The following CCDC88C variants were observed in gnomAD, a reference collection of about 807,000 sequenced individuals.
The protein encoded by CCDC88C is coiled-coil and HOOK domain protein 88C.
A neutral mutation model predicts 198.8 loss-of-function variants in CCDC88C; 131 were observed. The observed-to-expected ratio is 0.66, with a 90% confidence interval of 0.57 to 0.76. CCDC88C has a LOEUF of 0.76. CCDC88C is among the 30% of genes least tolerant of loss of function. CCDC88C has a pLI of 0.00. For synonymous variants in CCDC88C, 1,166 were observed against 1,114.7 expected (o/e 1.05, Z -0.92); for missense variants, 2,553 against 2,631.6 (o/e 0.97, Z 0.65).
chr14:91,290,115 T>C (rs1397130404), intron 24 of CCDC88C, among the ~76,000 whole-genome samples: 1 of 152,010 alleles, frequency 6.6e-6, no homozygotes, highest in African/African-American at 2.4e-5. Flanking sequence ...CTACTAAAAA[T>C]ACAAAAATTA....
chr14:91,372,534 G>GT (rs1894858981), intron 3 of CCDC88C, among the ~76,000 whole-genome samples: 1 of 109,718 alleles, frequency 9.1e-6, no homozygotes. Flanking sequence ...GGTGCGGGGG[G>GT]GGGCGGGCGG....
Position 91,345,486 on chromosome 14 carries a change from C to T in CCDC88C, c.341-1829G>A, listed in dbSNP as rs371711758. ...GATTACAGACGTGAGCAGCCGTGCC[C>T]GGCCTTAAAATATTTCAATCTAAAC... is the stretch of plus-strand genomic sequence containing the variant. On this transcript the variant is annotated intron_variant, in intron 4 of 29. Coordinates refer to ENST00000389857, the MANE Select transcript of CCDC88C (RefSeq NM_001080414.4). Among the ~76,000 whole-genome samples, 9 of 152,112 alleles carry T rather than the reference C, an allele frequency of 5.9e-5. No homozygotes were observed. In the East Asian group the frequency reaches 7.7e-4, roughly 13 times the overall value.
In CCDC88C at chr14:91,321,135, G is replaced by T; in HGVS notation, c.1512C>A (p.His504Gln). The change falls in exon 13 of 30, where the codon CAC (histidine) becomes CAA (glutamine). Residue 504 changes from histidine (H) to glutamine (Q), a missense_variant. By Grantham distance (24) the His-to-Gln change is conservative. This residue lies in a region of CCDC88C where 1,260 missense variants were observed against 1,412.0 expected (regional missense o/e 0.89). Coordinates refer to ENST00000389857, the MANE Select transcript of CCDC88C (RefSeq NM_001080414.4). ...LKCGELEKEN[H>Q]QLSKKIEKLQ... ...GCCGAGGTACCTTCTTGCTGAGCTG[G>T]TGGTTCTCCTTCTCCAGCTCCCCGC... is the stretch of plus-strand genomic sequence containing the variant. 1.2e-6 allele frequency: 2 copies of T among 1,610,904 alleles called. No homozygotes were observed.
rs183326946 is a variant in CCDC88C, at chr14:91,288,494, T to C, written c.4441+611A>G. On this transcript the variant is annotated intron_variant, in intron 25 of 29. Coordinates refer to ENST00000389857, the MANE Select transcript of CCDC88C (RefSeq NM_001080414.4). This position sits in a 1 kb window ranked among gnomAD's most constrained non-coding sequence, Gnocchi z 4.2. ...AGCAGCTTTCTACAAATCTGGCACA[T>C]ACGAGGCAGCCCAAAATAAGCTATG... Among the ~76,000 whole-genome samples the C allele has an allele frequency of 2.5e-3, 387 of 152,368 alleles. 2 individuals are homozygous for C. Among genetic ancestry groups the C allele is most frequent in the African/African-American group, 8.9e-3 (372 of 41,592 alleles).
chr14:91,410,467 A>G (rs1295912706), intron 2 of CCDC88C, among the ~76,000 whole-genome samples: 2 of 152,218 alleles, frequency 1.3e-5, no homozygotes, highest in Non-Finnish European at 2.9e-5. Context: ...CTACAAATCG[A>G]AAACGTTTCA....
chr14:91,349,366 GC>G (rs1450923504), intron 4 of CCDC88C, among the ~76,000 whole-genome samples: 1 of 152,250 alleles, frequency 6.6e-6, no homozygotes, highest in Non-Finnish European at 1.5e-5. Flanking sequence ...GGCTTTCCAG[GC>G]CCAGGGAACA....
rs1418628626 is a variant in CCDC88C, at chr14:91,271,669, T to C, written c.*956A>G. 1.3e-5 allele frequency: 2 copies of C among 152,176 alleles called. No homozygotes were observed. The highest frequency in any genetic ancestry group is 1.9e-4 in the East Asian group (1 of 5,200). The allele number at this position is 152,176 out of a possible 1,614,324, so 9.4% of individuals were successfully genotyped here. A position where few individuals can be genotyped will look rare whatever the true frequency, so the allele number is the denominator to read the frequency against. On this transcript the variant is annotated 3_prime_UTR_variant, in exon 30 of 30. Transcript: ENST00000389857. ...CATATTTCACATGAGTGTGTACATA[T>C]ACATGTCATATATTAAAAAAAATTG...
At position 91,313,147 on chromosome 14, in the gene CCDC88C, T is replaced by C; in HGVS notation, c.2669A>G (p.Glu890Gly). 1 of 1,610,834 alleles carries C rather than the reference T, an allele frequency of 6.2e-7. No homozygotes were observed. The highest frequency in any genetic ancestry group is 8.5e-7 in the Non-Finnish European group (1 of 1,177,790). The part of the protein sequence containing the change: ...RDAAGKLKEL[E>G]KDNRDLTKQV... ...CTTGGTGAGGTCCCGGTTGTCCTTCTCCAGCTCCTTCAGCTTGCCGGCTGC... is the reference window on the plus strand; with the variant it reads ...CTTGGTGAGGTCCCGGTTGTCCTTCCCCAGCTCCTTCAGCTTGCCGGCTGC... The change falls in exon 15 of 30, where the codon GAG (glutamate) becomes GGG (glycine). Residue 890 changes from glutamate (E) to glycine (G), a missense_variant. Physicochemically the swap from Glu to Gly is moderately conservative, Grantham distance 98 (BLOSUM62 -2). Around this residue, in one of 2 missense-constraint regions of CCDC88C, gnomAD observed 1,260 missense variants for 1,412.0 expected, o/e 0.89. Coordinates refer to ENST00000389857, the MANE Select transcript of CCDC88C (RefSeq NM_001080414.4). This position sits in a 1 kb window ranked among gnomAD's most constrained non-coding sequence, Gnocchi z 5.2.
intron 23 of CCDC88C, among the ~76,000 whole-genome samples, chr14:91,293,556 TCG>T (rs1567055881): frequency 2.3e-4 from 15 of 64,060 alleles, no homozygotes; most frequent in South Asian, 6.6e-4. Context: ...TCCTGTCCCC[TCG>T]CCTGCCACGG....
intron 4 of CCDC88C, among the ~76,000 whole-genome samples, chr14:91,359,157 A>ATTTT (rs1596109845): frequency 8.3e-6 from 1 of 119,796 alleles, no homozygotes; most frequent in Non-Finnish European, 1.8e-5. Flanking sequence ...GGGAGGCTTC[A>ATTTT]TTCTTTTTTT....
intron 4 of CCDC88C, among the ~76,000 whole-genome samples, chr14:91,351,810 C>G (rs1285313252): frequency 6.6e-6 from 1 of 152,116 alleles, no homozygotes; most frequent in African/African-American, 2.4e-5. Flanking sequence ...CCCACAGATA[C>G]CCCAGCACCA....
chr14:91,339,533 AG>A lies in CCDC88C; in HGVS notation c.625-72del. On this transcript the variant is annotated intron_variant, in intron 7 of 29. Transcript: ENST00000389857. This position sits in a 1 kb window ranked among gnomAD's most constrained non-coding sequence, Gnocchi z 5.8. Reference sequence around the variant, plus strand: ...ACCAGCACAACGCCTGAGCTTGAACAGGGTGAAGAAACCGCCAAAAGACAGA... The same window carrying A: ...ACCAGCACAACGCCTGAGCTTGAACAGGTGAAGAAACCGCCAAAAGACAGA... The A allele has an allele frequency of 7.1e-7, 1 of 1,415,570 alleles. No homozygotes were observed. The highest frequency in any genetic ancestry group is 9.6e-7 in the Non-Finnish European group (1 of 1,046,554). The allele number at this position is 1,415,570 out of a possible 1,614,324, so 87.7% of individuals were successfully genotyped here. A position where few individuals can be genotyped will look rare whatever the true frequency, so the allele number is the denominator to read the frequency against.
intron 3 of CCDC88C, among the ~76,000 whole-genome samples, chr14:91,382,901 A>T (rs1315576508): frequency 6.6e-6 from 1 of 152,080 alleles, no homozygotes; most frequent in Non-Finnish European, 1.5e-5. Flanking sequence ...CAGGCCCCGG[A>T]AATCTGAAAA....
At chr14:91,392,582 T>C (rs1043248159) in intron 3 of CCDC88C, among the ~76,000 whole-genome samples, 1 of 152,164 alleles carries the variant, frequency 6.6e-6, no homozygotes, top group Non-Finnish European at 1.5e-5. Context: ...CCAGAGCCGA[T>C]AATAACCCAG....
In CCDC88C at chr14:91,273,063, C is replaced by T. The variant is rs547613648; in HGVS notation, c.5649G>A (p.Thr1883=). The change falls in exon 30 of 30, where the codon ACG becomes ACA. Residue 1883 remains threonine, a synonymous_variant. Transcript: ENST00000389857. This position sits in a 1 kb window ranked among gnomAD's most constrained non-coding sequence, Gnocchi z 5.6. ...GPGPRSRPLD[T]RRFSLAPPKE... ...TTGGGGGAGCCAGGGAGAAGCGCCT[C>T]GTGTCCAGCGGCCGGCTGCGGGGAC... 18 of 1,558,350 alleles carry T rather than the reference C, an allele frequency of 1.2e-5. No individual in the cohort carries two copies. Among genetic ancestry groups the T allele is most frequent in the South Asian group, 1.1e-4 (9 of 85,258 alleles).
chr14:91,392,944 G>C (rs1266643463), intron 3 of CCDC88C, among the ~76,000 whole-genome samples: 1 of 152,198 alleles, frequency 6.6e-6, no homozygotes, highest in African/African-American at 2.4e-5. Context: ...AAATTCCAGA[G>C]AGTCCTCAAG....
intron 25 of CCDC88C, among the ~76,000 whole-genome samples, chr14:91,287,636 CTTTTT>C (rs71120129): frequency 5.8e-4 from 44 of 75,656 alleles, no homozygotes; most frequent in African/African-American, 2.2e-3. Flanking sequence ...TGCACCAGGT[CTTTTT>C]TTTTTTTTTT....
chr14:91,295,262 A>T (rs1890951147), intron 22 of CCDC88C, among the ~76,000 whole-genome samples: 1 of 152,254 alleles, frequency 6.6e-6, no homozygotes, highest in Non-Finnish European at 1.5e-5. Flanking sequence ...GAAGAACTGG[A>T]AGGAAAAAGG....
At chr14:91,329,143 C>A (rs1892705310) in intron 10 of CCDC88C, among the ~76,000 whole-genome samples, 1 of 152,218 alleles carries the variant, frequency 6.6e-6, no homozygotes, top group African/African-American at 2.4e-5. Context: ...CATGGACATC[C>A]CTTGAACTTC....
Sources: allele counts gnomAD v4.1 joint callset (sites outside exome capture counted in the v4.1 genomes callset), GRCh38; gene constraint gnomAD v4.1.1; regional missense constraint gnomAD v4.1.1; non-coding constraint Gnocchi (gnomAD v3.1); transcripts MANE v1.5; gene names NCBI Gene and HGNC (gene_info 2026-07-23, HGNC 2026-07-21).